The following ERICH1 variants were observed in gnomAD, a reference collection of about 807,000 sequenced individuals.
The protein encoded by ERICH1 is glutamate rich 1.
In ERICH1, 56 loss-of-function variants were observed where a neutral mutation model predicts 39.6. The ratio of observed to expected loss-of-function variants is 1.41; its 90% CI spans 1.14 to 1.77. The LOEUF (loss-of-function observed/expected upper bound fraction) is 1.77. ERICH1 is among the 40% of genes most tolerant of loss of function. The pLI is 0.00. For missense variants in ERICH1, 826 were observed against 575.4 expected, an observed-to-expected ratio of 1.44 and a Z score of -4.45; for synonymous variants, 313 against 223.6, an observed-to-expected ratio of 1.40 and a Z score of -3.57.
intron 3 of ERICH1, among the ~76,000 whole-genome samples, chr8:649,772 A>T (rs1799707591): frequency 6.6e-6 from 1 of 152,160 alleles, no homozygotes; most frequent in South Asian, 2.1e-4. Context: ...CCATCCATCC[A>T]CGTGGAGACA....
intron 2 of ERICH1, among the ~76,000 whole-genome samples, chr8:702,540 G>A (rs1261183371): frequency 6.6e-6 from 1 of 152,208 alleles, no homozygotes; most frequent in African/African-American, 2.4e-5. Context: ...AGACGGAAAA[G>A]TCTTGAACAG....
At chr8:713,966 T>G (rs58633725) in intron 2 of ERICH1, among the ~76,000 whole-genome samples, 4 of 127,876 alleles carry the variant, frequency 3.1e-5, no homozygotes, top group African/African-American at 1.3e-4. Flanking sequence ...CGGCCTCTTC[T>G]GGCATCTCTC....
At position 708,702 on chromosome 8, in the gene ERICH1, T is replaced by G. The variant is rs797008218; in HGVS notation, c.169+7159A>C. ...ATGAGTTTTTTTTTTTTTTTTTTTT[T>G]TTTTTTTTTGAGACAGGGTCTCACT... On this transcript the variant is annotated intron_variant, in intron 2 of 5. Coordinates refer to ENST00000262109, the MANE Select transcript of ERICH1 (RefSeq NM_207332.3). Among the ~76,000 whole-genome samples, 119 of 114,016 alleles carry G rather than the reference T, an allele frequency of 1.0e-3. 5 individuals carry two copies. The highest frequency in any genetic ancestry group is 6.0e-3 in the South Asian group (20 of 3,310). The allele number at this position is 114,016 out of a possible 152,430, so 74.8% of individuals were successfully genotyped here.
At chr8:697,080 C>G (rs576836995) in intron 2 of ERICH1, among the ~76,000 whole-genome samples, 2 of 152,362 alleles carry the variant, frequency 1.3e-5, no homozygotes, top group Admixed American at 6.5e-5. Flanking sequence ...GGCCTTACCA[C>G]TTGCTGCACG....
intron 2 of ERICH1, among the ~76,000 whole-genome samples, chr8:710,316 T>G (rs1268048125): frequency 6.6e-6 from 1 of 152,004 alleles, no homozygotes; most frequent in East Asian, 1.9e-4. Context: ...TTCACCGTCC[T>G]GCAAGTCCTC....
intron 2 of ERICH1, among the ~76,000 whole-genome samples, chr8:702,669 C>G: frequency 6.6e-6 from 1 of 152,368 alleles, no homozygotes; most frequent in Non-Finnish European, 1.5e-5. Context: ...CACCAGGTTC[C>G]GTGACAGGCG....
Position 616,823 on chromosome 8 carries a change from G to A in ERICH1, c.977-1539C>T, listed in dbSNP as rs1298867903. 6.6e-5 allele frequency among the ~76,000 whole-genome samples: 5 copies of A among 76,246 alleles called. 1 individual carries two copies. Among genetic ancestry groups the A allele is most frequent in the Non-Finnish European group, 1.2e-4 (5 of 42,272 alleles). 50.0% of individuals were successfully genotyped at this position (76,246 alleles called of 152,430 possible). A position where few individuals can be genotyped will look rare whatever the true frequency, so the allele number is the denominator to read the frequency against. On this transcript the variant is annotated intron_variant, in intron 3 of 3. Transcript: ENST00000522706. ...AGAGAGGGGGGAGGAAGAGACGGGG[G>A]GAGAGAGAGAGAAAGAGAGAGGGAG...
chr8:658,779 G>T (rs565819625), intron 3 of ERICH1, among the ~76,000 whole-genome samples: 1 of 152,216 alleles, frequency 6.6e-6, no homozygotes, highest in Non-Finnish European at 1.5e-5. Flanking sequence ...GCAAGGCCTC[G>T]ATCGGGGACT....
intron 3 of ERICH1, among the ~76,000 whole-genome samples, chr8:628,253 G>A (rs1797713911): frequency 6.6e-6 from 1 of 152,202 alleles, no homozygotes; most frequent in African/African-American, 2.4e-5. Context: ...GAGCAGGGTG[G>A]AACCCTGGCC....
downstream of ERICH1, among the ~76,000 whole-genome samples, chr8:661,411 G>A (rs1049395085): frequency 2.0e-5 from 3 of 152,242 alleles, no homozygotes; most frequent in Admixed American, 2.0e-4. Context: ...ACAGGCGGAG[G>A]TCCCAGGGTG....
chr8:657,341 G>A (rs1390871783), intron 3 of ERICH1, among the ~76,000 whole-genome samples: 1 of 152,048 alleles, frequency 6.6e-6, no homozygotes, highest in Non-Finnish European at 1.5e-5. Context: ...TCTGTGTGGA[G>A]GAGAGTCTTA....
intron 3 of ERICH1, among the ~76,000 whole-genome samples, chr8:632,319 T>A (rs1349928175): frequency 6.9e-6 from 1 of 145,396 alleles, no homozygotes; most frequent in African/African-American, 2.5e-5. Context: ...CAATTTCTAA[T>A]TAGCAGTAAA....
At chr8:650,013 G>C (rs1044644096) in intron 3 of ERICH1, among the ~76,000 whole-genome samples, 3 of 152,224 alleles carry the variant, frequency 2.0e-5, no homozygotes, top group Non-Finnish European at 4.4e-5. Context: ...GACCGCGCCC[G>C]GCGAGGGCGG....
chr8:639,262 A>G (rs912585236), intron 3 of ERICH1, among the ~76,000 whole-genome samples: 1 of 152,156 alleles, frequency 6.6e-6, no homozygotes, highest in South Asian at 2.1e-4. Flanking sequence ...TTGTGACCCC[A>G]GGGTCAGCTG....
At chr8:688,392 A>AGGCGCGCAGGCTCCG (rs1808125800) in intron 3 of ERICH1, among the ~76,000 whole-genome samples, 1 of 142,692 alleles carries the variant, frequency 7.0e-6, no homozygotes, top group African/African-American at 2.6e-5. Flanking sequence ...CGCAGGCTCC[A>AGGCGCGCAGGCTCCG]GAGGCGCCCA....
At chr8:662,877 G>A (rs1260721623), downstream of ERICH1, among the ~76,000 whole-genome samples, 1 of 152,152 alleles carries the variant, frequency 6.6e-6, no homozygotes, top group Non-Finnish European at 1.5e-5. Flanking sequence ...GGGAGGGCAG[G>A]GGCGGGCAGG....
chr8:720,027 A>T (rs975786649), intron 1 of ERICH1, among the ~76,000 whole-genome samples: 4 of 152,130 alleles, frequency 2.6e-5, no homozygotes, highest in African/African-American at 7.2e-5. Flanking sequence ...CTTCTCCAAG[A>T]AGACCAACAT....
intron 3 of ERICH1, among the ~76,000 whole-genome samples, chr8:622,902 G>A (rs183257883): frequency 7.3e-4 from 111 of 152,020 alleles, no homozygotes; most frequent in African/African-American, 2.3e-3. Context: ...AGGCTGCAGT[G>A]AGCCATGATT....
chr8:622,786 C>G (rs777856859), intron 3 of ERICH1, among the ~76,000 whole-genome samples: 28 of 151,902 alleles, frequency 1.8e-4, no homozygotes, highest in Non-Finnish European at 3.1e-4. Flanking sequence ...GACCGTGTCT[C>G]TATAAAAAAA....
Sources: gnomAD v4.1 joint callset for allele counts (sites outside exome capture counted in the v4.1 genomes callset) on GRCh38, gnomAD v4.1.1 for gene constraint, MANE v1.5 for transcripts, NCBI Gene and HGNC (gene_info 2026-07-23, HGNC 2026-07-21) for gene names.